Variants in AKR1B10 observed in about 807,000 individuals in gnomAD.
AKR1B10 encodes ARP.
AKR1B10 carries 39 observed loss-of-function variants against 38.9 expected under a neutral mutation model. The ratio of observed to expected loss-of-function variants is 1.00; its 90% CI spans 0.78 to 1.31. The LOEUF (loss-of-function observed/expected upper bound fraction) is 1.31. Ranked by LOEUF, AKR1B10 falls within the 50% of genes most tolerant of loss-of-function variation. The probability of loss-of-function intolerance (pLI) is 0.00; values close to 1 mark genes in which losing one functional copy is unlikely to be tolerated. For synonymous variants in AKR1B10, 148 were observed against 141.2 expected, an observed-to-expected ratio of 1.05 and a Z score of -0.34; for missense variants, 361 against 382.6, an observed-to-expected ratio of 0.94 and a Z score of 0.47.
chr7:134,531,245 C>A (rs945314728), intron 2 of AKR1B10, among the ~76,000 whole-genome samples: 1 of 152,140 alleles, frequency 6.6e-6, no homozygotes, highest in Non-Finnish European at 1.5e-5. Context: ...TCTATTGTCA[C>A]ATATGAATTT....
In AKR1B10 at chr7:134,532,024, G is replaced by C. The variant is rs1001820298; in HGVS notation, c.351G>C (p.Lys117Asn). 2.5e-6 allele frequency: 4 copies of C among 1,613,906 alleles called. No homozygotes were observed. The highest frequency in any genetic ancestry group is 1.3e-5 in the African/African-American group (1 of 74,918). Residue 117 changes from lysine (K) to asparagine (N), a missense_variant and splice_region_variant, in exon 3 of 10, where the codon AAG (lysine) becomes AAC (asparagine). Lys to Asn is a moderately conservative substitution (Grantham distance 94). Transcript: ENST00000359579. ...VYLIHWPQGF[K>N]SGDDLFPKDD... ...TTATTCACTGGCCACAGGGATTCAA[G>C]GTTTAAGACACTCTCTTTCTCAGCC...
At chr7:134,540,407 C>A (rs1808121063) in intron 9 of AKR1B10, among the ~76,000 whole-genome samples, 1 of 152,032 alleles carries the variant, frequency 6.6e-6, no homozygotes, top group Non-Finnish European at 1.5e-5. Context: ...GGACTCACCC[C>A]CCAAACTAAA....
intron 9 of AKR1B10, among the ~76,000 whole-genome samples, chr7:134,539,663 G>A (rs543395082): frequency 1.3e-5 from 2 of 152,284 alleles, no homozygotes; most frequent in African/African-American, 4.8e-5. Flanking sequence ...AAGAAGGCCA[G>A]GGAGGCTGGA....
At chr7:134,528,963 C>G (rs895135237) in intron 1 of AKR1B10, among the ~76,000 whole-genome samples, 2 of 152,188 alleles carry the variant, frequency 1.3e-5, no homozygotes, top group African/African-American at 4.8e-5. Flanking sequence ...AAGGCACATC[C>G]AGGACTCAGT....
chr7:134,528,316 T>C (rs1807748114), intron 1 of AKR1B10, among the ~76,000 whole-genome samples: 1 of 152,204 alleles, frequency 6.6e-6, no homozygotes, highest in African/African-American at 2.4e-5. Flanking sequence ...TGTGGGTTTG[T>C]TGTGGGCTGG....
Position 134,536,727 on chromosome 7 carries a change from G to A in AKR1B10, c.507G>A (p.Lys169=), listed in dbSNP as rs755659781. Residue 169 remains lysine, a synonymous_variant, in exon 5 of 10, where the codon AAG becomes AAA. Coordinates refer to ENST00000359579, the MANE Select transcript of AKR1B10 (RefSeq NM_020299.5). Reference sequence around the variant, plus strand: ...ATTTCAGCCACTTCCAGATCGAGAAGCTCTTGAACAAACCTGGACTGAAAT... The same window carrying A: ...ATTTCAGCCACTTCCAGATCGAGAAACTCTTGAACAAACCTGGACTGAAAT... ...VSNFSHFQIE[K]LLNKPGLKYK... 1.2e-6 allele frequency: 2 copies of A among 1,613,904 alleles called. No homozygotes were observed. The highest frequency in any genetic ancestry group is 3.3e-5 in the Admixed American group (2 of 60,012).
At chr7:134,529,574 T>C (rs983370747) in intron 1 of AKR1B10, among the ~76,000 whole-genome samples, 8 of 152,118 alleles carry the variant, frequency 5.3e-5, no homozygotes, top group African/African-American at 1.9e-4. Context: ...TGCTTCTGGG[T>C]GCCTGGCAGC....
chr7:134,539,426 A>G (rs1466622769), intron 9 of AKR1B10, among the ~76,000 whole-genome samples: 1 of 152,152 alleles, frequency 6.6e-6, no homozygotes, highest in Non-Finnish European at 1.5e-5. Flanking sequence ...AATCAACTCA[A>G]AATATAGATG....
Position 134,527,953 on chromosome 7 carries a change from C to T in AKR1B10, c.42C>T (p.Pro14=), listed in dbSNP as rs757140278. 5.0e-6 allele frequency: 8 copies of T among 1,613,914 alleles called. No homozygotes were observed. In the Admixed American group the frequency reaches 1.2e-4, roughly 24 times the overall value. The change falls in exon 1 of 10, where the codon CCC becomes CCT. Residue 14 remains proline (P), a synonymous_variant. Coordinates refer to ENST00000359579, the MANE Select transcript of AKR1B10 (RefSeq NM_020299.5). ...AGCTCAGTACCAAAGCCAAGATGCC[C>T]ATTGTGGGCCTGGGCACTTGGAAGG... ...FVELSTKAKM[P]IVGLGTWKSP...
intron 9 of AKR1B10, among the ~76,000 whole-genome samples, chr7:134,540,387 A>C (rs931927107): frequency 1.3e-5 from 1 of 75,798 alleles, no homozygotes; most frequent in African/African-American, 5.5e-5. Context: ...GGAAGGGTGA[A>C]CGTAAAGTGG....
intron 3 of AKR1B10, among the ~76,000 whole-genome samples, chr7:134,532,515 C>T (rs1807888878): frequency 6.6e-6 from 1 of 152,132 alleles, no homozygotes; most frequent in African/African-American, 2.4e-5. Flanking sequence ...CTGCTCTTAC[C>T]TGCTCCTGAG....
Position 134,530,549 on chromosome 7 carries a change from G to T in AKR1B10, c.67-94G>T. 2.1e-6 allele frequency: 3 copies of T among 1,415,018 alleles called. No homozygotes were observed. The East Asian group carries it at 7.0e-5, about 33-fold the overall frequency. 87.7% of individuals were successfully genotyped at this position (1,415,018 alleles called of 1,614,324 possible). A position where few individuals can be genotyped will look rare whatever the true frequency, so the allele number is the denominator to read the frequency against. On this transcript the variant is annotated intron_variant, in intron 1 of 9. Coordinates refer to ENST00000359579, the MANE Select transcript of AKR1B10 (RefSeq NM_020299.5). ...TACTCGGGAGGTGGGAGGGTTGCTT[G>T]AACCTGGGAGTGTGAGGCCAGCCTG...
At position 134,533,071 on chromosome 7, in the gene AKR1B10, A is replaced by G; in HGVS notation, c.419A>G (p.Asp140Gly). The change falls in exon 4 of 10, where the codon GAT (aspartate) becomes GGT (glycine). Residue 140 changes from aspartate to glycine, a missense_variant. By Grantham distance (94) the Asp-to-Gly change is moderately conservative. This residue lies in a region of AKR1B10 where 220 missense variants were observed against 216.1 expected (regional missense o/e 1.02). Transcript: ENST00000359579. ...ATCGGTGGAAAAGCAACGTTCTTGG[A>G]TGCCTGGGAGGTAGGTTCCCAGCTT... is the stretch of plus-strand genomic sequence containing the variant. ...NAIGGKATFL[D>G]AWEAMEELVD... 1 of 1,596,652 alleles carries G rather than the reference A, an allele frequency of 6.3e-7. No individual in the cohort carries two copies. The highest frequency in any genetic ancestry group is 8.5e-7 in the Non-Finnish European group (1 of 1,173,974).
chr7:134,535,992 T>C (rs1308843105), intron 4 of AKR1B10, among the ~76,000 whole-genome samples: 1 of 152,256 alleles, frequency 6.6e-6, no homozygotes, highest in African/African-American at 2.4e-5. Context: ...TGCGTGTCCA[T>C]GCAGTTTCTG....
In AKR1B10 at chr7:134,527,984, A is replaced by G. The variant is rs1475861430; in HGVS notation, c.66+7A>G. 6.2e-7 allele frequency: 1 copy of G among 1,613,756 alleles called. No individual in the cohort carries two copies. The highest frequency in any genetic ancestry group is 1.7e-5 in the Admixed American group (1 of 60,010). ...GGGCCTGGGCACTTGGAAGGTAAAT[A>G]TGCAAATCTTTGCACACCCTTCTTC... On this transcript the variant is annotated splice_region_variant and intron_variant, in intron 1 of 9. Transcript: ENST00000359579.
Position 134,537,675 on chromosome 7 carries a change from A to G in AKR1B10, c.741+14A>G, listed in dbSNP as rs1324737817. Reference sequence around the variant, plus strand: ...ACCGCAGCCCAGGTGCCATATTTTTATTTTTCTTGTTATCCAACAACTCAT... The same window carrying G: ...ACCGCAGCCCAGGTGCCATATTTTTGTTTTTCTTGTTATCCAACAACTCAT... On this transcript the variant is annotated intron_variant, in intron 7 of 9. Transcript: ENST00000359579. 1 of 1,613,516 alleles carries G rather than the reference A, an allele frequency of 6.2e-7. No individual in the cohort carries two copies. Among genetic ancestry groups the G allele is most frequent in the Non-Finnish European group, 8.5e-7 (1 of 1,179,674 alleles).
At position 134,532,100 on chromosome 7, in the gene AKR1B10, G is replaced by A. The variant is rs1646765; in HGVS notation, c.351+76G>A. The A allele has an allele frequency of 9.4e-4, 1,482 of 1,568,376 alleles. 15 individuals carry two copies. In the African/African-American group the frequency reaches 0.016, roughly 17 times the overall value. On this transcript the variant is annotated intron_variant, in intron 3 of 9. Transcript: ENST00000359579. ...AATAGTAGCTGCACCAGGGCTGTGGGGTGGTGTGGACTGGGGCAGGAGGCC... is the reference window on the plus strand; with the variant it reads ...AATAGTAGCTGCACCAGGGCTGTGGAGTGGTGTGGACTGGGGCAGGAGGCC...
At position 134,530,645 on chromosome 7, in the gene AKR1B10, T is replaced by C. The variant is rs1562929486; in HGVS notation, c.69T>C (p.Ser23=). The change falls in exon 2 of 10, where the codon TCT becomes TCC. Residue 23 remains serine (S), a splice_region_variant and synonymous_variant. Coordinates refer to ENST00000359579, the MANE Select transcript of AKR1B10 (RefSeq NM_020299.5). ...MPIVGLGTWK[S]PLGKVKEAVK... ...TGAGCTTTTCTTTTGCCTTTCAGTC[T>C]CCTCTTGGCAAAGTGAAAGAAGCAG... is the stretch of plus-strand genomic sequence containing the variant. The C allele has an allele frequency of 6.2e-7, 1 of 1,613,814 alleles. No individual in the cohort carries two copies. The highest frequency in any genetic ancestry group is 8.5e-7 in the Non-Finnish European group (1 of 1,179,894).
intron 4 of AKR1B10, chr7:134,535,616 G>A: frequency 3.9e-6 from 1 of 255,508 alleles, no homozygotes. Flanking sequence ...TTTCTTTTGA[G>A]GCCCAGCTTA....
Sources: allele counts gnomAD v4.1 joint callset (sites outside exome capture counted in the v4.1 genomes callset), GRCh38; gene constraint gnomAD v4.1.1; regional missense constraint gnomAD v4.1.1; transcripts MANE v1.5; gene names NCBI Gene and HGNC (gene_info 2026-07-23, HGNC 2026-07-21).